Variants in NEDD4L observed in about 807,000 individuals in gnomAD.
The protein encoded by NEDD4L is E3 ubiquitin-protein ligase NEDD4-like.
In NEDD4L, 54 loss-of-function variants were observed where a neutral mutation model predicts 148.9. The observed-to-expected ratio is 0.36, with a 90% confidence interval of 0.29 to 0.45. NEDD4L has a LOEUF of 0.45. NEDD4L is among the 20% of genes least tolerant of loss of function. The pLI is 1.00. For missense variants in NEDD4L, 856 were observed against 1,233.8 expected (o/e 0.69, Z 4.59); for synonymous variants, 433 against 440.7 (o/e 0.98, Z 0.22).
chr18:58,263,514 C>A (rs1033772784), intron 5 of NEDD4L, among the ~76,000 whole-genome samples: 2 of 152,066 alleles, frequency 1.3e-5, no homozygotes, highest in African/African-American at 4.8e-5. Context: ...AAATTCAAAT[C>A]GTTTCTGATA....
chr18:58,245,367 A>T, intron 2 of NEDD4L, 60 bp from the exon 3 acceptor site: 1 of 803,946 alleles, frequency 1.2e-6, no homozygotes, highest in Non-Finnish European at 2.0e-6. Flanking sequence ...TTTAGGTTCC[A>T]CTGTTTTCTC....
intron 1 of NEDD4L, among the ~76,000 whole-genome samples, chr18:58,066,361 T>TTA (rs33956212): frequency 3.9e-5 from 2 of 51,808 alleles, no homozygotes; most frequent in African/African-American, 4.2e-4. Context: ...TTTGGTGAAA[T>TTA]GTAAATTTAG....
chr18:58,063,114 C>T (rs1459526336), intron 1 of NEDD4L, among the ~76,000 whole-genome samples: 1 of 129,862 alleles, frequency 7.7e-6, no homozygotes, highest in Non-Finnish European at 1.6e-5. Flanking sequence ...GGCGTTATCA[C>T]GGTTCACTGT....
At chr18:58,211,393 A>G (rs1420334638) in intron 2 of NEDD4L, among the ~76,000 whole-genome samples, 1 of 152,246 alleles carries the variant, frequency 6.6e-6, no homozygotes, top group Non-Finnish European at 1.5e-5. Context: ...TGTTTTGAAG[A>G]TAAGCACCTA....
chr18:58,255,880 C>T (rs1280402647), intron 5 of NEDD4L: 1 of 1,232,228 alleles, frequency 8.1e-7, no homozygotes, highest in Non-Finnish European at 1.0e-6. Flanking sequence ...TCTTGACCAG[C>T]ATCGACGCCC....
chr18:58,179,849 A>G (rs1308366979), intron 2 of NEDD4L, among the ~76,000 whole-genome samples: 1 of 152,134 alleles, frequency 6.6e-6, no homozygotes, highest in African/African-American at 2.4e-5. Context: ...CAATGTAATA[A>G]TAATAGAAAT....
chr18:58,351,028 C>A lies in NEDD4L; in HGVS notation c.1691C>A (p.Thr564Lys), dbSNP rs769198983. 6.1e-5 allele frequency: 98 copies of A among 1,594,374 alleles called. No individual in the cohort carries two copies. Among genetic ancestry groups the A allele is most frequent in the Admixed American group, 1.0e-4 (6 of 57,544 alleles). Reference sequence around the variant, plus strand: ...GAAAGAATTCACTTGGATGGCCGAACGTTTTATATTGATCATAGTAAGTAG... The same window carrying A: ...GAAAGAATTCACTTGGATGGCCGAAAGTTTTATATTGATCATAGTAAGTAG... ...WEERIHLDGRTFYIDHNSKIT... is the reference protein window; with the variant it reads ...WEERIHLDGRKFYIDHNSKIT... Residue 564 changes from threonine (T) to lysine (K), a missense_variant, in exon 18 of 31, where the codon ACG (threonine) becomes AAG (lysine). Coordinates refer to ENST00000400345, the MANE Select transcript of NEDD4L (RefSeq NM_001144967.3).
intron 1 of NEDD4L, among the ~76,000 whole-genome samples, chr18:58,133,740 G>A (rs553454597): frequency 1.8e-4 from 27 of 152,118 alleles, no homozygotes; most frequent in Non-Finnish European, 3.4e-4. Flanking sequence ...TTCATAAGGT[G>A]GCATAATAAT....
intron 2 of NEDD4L, among the ~76,000 whole-genome samples, chr18:58,211,610 T>G (rs1273080032): frequency 6.6e-6 from 1 of 152,196 alleles, no homozygotes; most frequent in Non-Finnish European, 1.5e-5. Flanking sequence ...GGTTTTCTCT[T>G]TAATTGAATA....
intron 1 of NEDD4L, among the ~76,000 whole-genome samples, chr18:58,078,646 T>C (rs74357647): frequency 0.12 from 18,859 of 152,232 alleles, 1,636 homozygotes; most frequent in African/African-American, 0.23. Context: ...CACGTTTGAC[T>C]AGTTTTTAGG....
intron 5 of NEDD4L, among the ~76,000 whole-genome samples, chr18:58,268,644 A>G (rs2148777952): frequency 6.6e-6 from 1 of 152,190 alleles, no homozygotes; most frequent in Non-Finnish European, 1.5e-5. Flanking sequence ...AGAGTTTTTA[A>G]GTTGCTGCTG....
At position 58,052,068 on chromosome 18, in the gene NEDD4L, A is replaced by T. The variant is rs1009144859; in HGVS notation, c.48+7360A>T. Among the ~76,000 whole-genome samples the T allele has an allele frequency of 2.6e-5, 4 of 152,086 alleles. No homozygotes were observed. The South Asian group carries it at 6.2e-4, about 24-fold the overall frequency. On this transcript the variant is annotated intron_variant, in intron 1 of 30. Coordinates refer to ENST00000400345, the MANE Select transcript of NEDD4L (RefSeq NM_001144967.3). ...GATAGCATAATTTAGAGTTGAGAAT[A>T]AAAAAAACTAGATTTAGAAAACTAG...
chr18:58,355,033 G>T (rs1332305764), intron 18 of NEDD4L, among the ~76,000 whole-genome samples: 1 of 152,246 alleles, frequency 6.6e-6, no homozygotes, highest in African/African-American at 2.4e-5. Context: ...AAGGGTATCT[G>T]CCCGGTGTGG....
intron 5 of NEDD4L, among the ~76,000 whole-genome samples, chr18:58,279,168 T>C (rs1190996204): frequency 6.6e-6 from 1 of 151,674 alleles, no homozygotes; most frequent in Non-Finnish European, 1.5e-5. Context: ...TGATCCACCA[T>C]GCCTGGCCGA....
chr18:58,219,787 G>A (rs1777369042), intron 2 of NEDD4L, among the ~76,000 whole-genome samples: 1 of 152,144 alleles, frequency 6.6e-6, no homozygotes, highest in Non-Finnish European at 1.5e-5. Context: ...TAGGAATTTT[G>A]GGCAAATACA....
chr18:58,119,015 C>T (rs2086046885), intron 1 of NEDD4L, among the ~76,000 whole-genome samples: 1 of 152,214 alleles, frequency 6.6e-6, no homozygotes, highest in Non-Finnish European at 1.5e-5. Context: ...CTCTTGATAG[C>T]CCTGTGGCTG....
At chr18:58,093,374 C>G (rs965787988) in intron 1 of NEDD4L, among the ~76,000 whole-genome samples, 4 of 152,188 alleles carry the variant, frequency 2.6e-5, no homozygotes, top group Non-Finnish European at 4.4e-5. Context: ...ATCACTCATT[C>G]TCATTCAGCC....
intron 4 of NEDD4L, 97 bp downstream of exon 4, chr18:58,249,034 G>A (rs982826888): frequency 1.6e-5 from 10 of 623,578 alleles, no homozygotes; most frequent in African/African-American, 7.5e-5. Context: ...AATTTTTAAT[G>A]AGAAATTCCT....
intron 1 of NEDD4L, among the ~76,000 whole-genome samples, chr18:58,097,143 C>T (rs994533912): frequency 3.9e-5 from 6 of 152,096 alleles, no homozygotes; most frequent in Admixed American, 6.5e-5. Context: ...TTGTTTTGTT[C>T]GCAAGACTTA....
Sources: allele counts gnomAD v4.1 joint callset (sites outside exome capture counted in the v4.1 genomes callset), GRCh38; gene constraint gnomAD v4.1.1; transcripts MANE v1.5; gene names NCBI Gene and HGNC (gene_info 2026-07-23, HGNC 2026-07-21).